Variants in GPHN observed in about 807,000 individuals in gnomAD.
The protein encoded by GPHN is gephyrin.
In GPHN, 17 loss-of-function variants were observed where a neutral mutation model predicts 95.5. The ratio of observed to expected loss-of-function variants is 0.18; its 90% CI spans 0.12 to 0.27. The LOEUF is 0.27. Ranked by LOEUF, GPHN falls within the 10% of genes least tolerant of loss-of-function variation. The probability of loss-of-function intolerance (pLI) is 1.00; values close to 1 mark genes in which losing one functional copy is unlikely to be tolerated. For synonymous variants in GPHN, 320 were observed against 322.5 expected, an observed-to-expected ratio of 0.99 and a Z score of 0.08; for missense variants, 660 against 978.1, an observed-to-expected ratio of 0.67 and a Z score of 4.34.
the GPHN span, among the ~76,000 whole-genome samples, chr14:67,222,732 T>A: frequency 6.6e-6 from 1 of 152,152 alleles, no homozygotes; most frequent in Non-Finnish European, 1.5e-5. Flanking sequence ...TCTCTCTCTT[T>A]GCTGAGTGCT....
chr14:66,639,620 T>C (rs1286030318), intron 1 of GPHN, among the ~76,000 whole-genome samples: 2 of 152,100 alleles, frequency 1.3e-5, no homozygotes, highest in Non-Finnish European at 2.9e-5. Flanking sequence ...GATTATTTTT[T>C]TTTTTGGCAT....
chr14:67,512,013 G>A, the GPHN span, among the ~76,000 whole-genome samples: 6 of 152,326 alleles, frequency 3.9e-5, no homozygotes, highest in South Asian at 2.1e-4. Flanking sequence ...GCAAATATAC[G>A]TCTTGAACCA....
intron 9 of GPHN, among the ~76,000 whole-genome samples, chr14:66,972,428 A>G (rs950051841): frequency 1.3e-5 from 2 of 151,992 alleles, no homozygotes; most frequent in African/African-American, 4.8e-5. Context: ...TTTATTAGTT[A>G]TTTCATTCTT....
chr14:66,738,175 C>A (rs1314901434), intron 2 of GPHN, among the ~76,000 whole-genome samples: 4 of 152,168 alleles, frequency 2.6e-5, no homozygotes, highest in Admixed American at 1.3e-4. Flanking sequence ...GTTAGGCTTT[C>A]TATATTCATT....
chr14:67,670,732 T>C, the GPHN span, among the ~76,000 whole-genome samples: 2 of 152,200 alleles, frequency 1.3e-5, no homozygotes, highest in Admixed American at 1.3e-4. Context: ...TTTCACCATG[T>C]TGACCAGGAT....
chr14:66,759,980 G>A (rs1369275677), intron 2 of GPHN, among the ~76,000 whole-genome samples: 1 of 152,150 alleles, frequency 6.6e-6, no homozygotes, highest in Admixed American at 6.5e-5. Flanking sequence ...ACAGGCCTCT[G>A]TTTAAATTAT....
chr14:66,899,921 C>T (rs991888588), intron 5 of GPHN, among the ~76,000 whole-genome samples: 1 of 151,716 alleles, frequency 6.6e-6, no homozygotes, highest in Non-Finnish European at 1.5e-5. Flanking sequence ...AGTTTTTTTA[C>T]TATAAATTGA....
intron 1 of GPHN, among the ~76,000 whole-genome samples, chr14:66,613,382 G>T (rs1390727062): frequency 6.6e-6 from 1 of 151,910 alleles, no homozygotes; most frequent in African/African-American, 2.4e-5. Context: ...ATTCTTCATG[G>T]CACCATTCTA....
chr14:67,442,496 G>A, the GPHN span, among the ~76,000 whole-genome samples: 1 of 152,170 alleles, frequency 6.6e-6, no homozygotes, highest in African/African-American at 2.4e-5. Flanking sequence ...CCTAAGATAA[G>A]GAACAGCTTC....
chr14:66,738,359 TAA>T (rs143491522), intron 2 of GPHN, among the ~76,000 whole-genome samples: 8,926 of 152,308 alleles, frequency 0.059, 354 homozygotes, highest in Middle Eastern at 0.099. Flanking sequence ...CATTCTATTA[TAA>T]AGTTACTTTA....
intron 5 of GPHN, among the ~76,000 whole-genome samples, chr14:66,905,495 G>T: frequency 6.6e-6 from 1 of 152,024 alleles, no homozygotes; most frequent in East Asian, 1.9e-4. Flanking sequence ...TTGGATGTAT[G>T]TACATGTCTT....
intron 5 of GPHN, among the ~76,000 whole-genome samples, chr14:66,907,333 A>G (rs2065435559): frequency 6.6e-6 from 1 of 152,198 alleles, no homozygotes; most frequent in South Asian, 2.1e-4. Flanking sequence ...AAAAGAATAC[A>G]TATTATATGG....
chr14:66,870,808 T>A (rs975263815), intron 4 of GPHN, among the ~76,000 whole-genome samples: 3 of 152,176 alleles, frequency 2.0e-5, no homozygotes, highest in African/African-American at 7.2e-5. Context: ...TTATGATACT[T>A]GAAAGGAAAT....
At position 66,570,050 on chromosome 14, in the gene GPHN, T is replaced by G. The variant is rs932305102; in HGVS notation, c.64+61459T>G. 5.6e-4 allele frequency among the ~76,000 whole-genome samples: 86 copies of G among 152,250 alleles called. 2 individuals carry two copies. Among genetic ancestry groups the G allele is most frequent in the Admixed American group, 4.4e-3 (67 of 15,280 alleles). ...GTGAAATAATATTCTATTTGTTTTT[T>G]TGTGCTTGTTTTATTTCATTTAACA... On this transcript the variant is annotated intron_variant, in intron 1 of 22. Coordinates refer to ENST00000478722, the MANE Select transcript of GPHN (RefSeq NM_020806.5).
At chr14:66,941,643 C>T (rs2067434051) in intron 8 of GPHN, among the ~76,000 whole-genome samples, 1 of 151,702 alleles carries the variant, frequency 6.6e-6, no homozygotes, top group South Asian at 2.1e-4. Flanking sequence ...TCAAGCTTGA[C>T]TCCTGAAAGG....
chr14:67,102,429 G>A (rs532335557), intron 13 of GPHN, among the ~76,000 whole-genome samples: 9 of 151,988 alleles, frequency 5.9e-5, no homozygotes, highest in East Asian at 3.9e-4. Flanking sequence ...GGGAGGCCGC[G>A]GCGGGCAGAT....
intron 1 of GPHN, among the ~76,000 whole-genome samples, chr14:66,593,453 C>A (rs2140710161): frequency 6.6e-6 from 1 of 152,098 alleles, no homozygotes. Context: ...TGGCATCAGG[C>A]AAGAGAGCAT....
intron 2 of GPHN, chr14:66,760,532 A>G: frequency 3.7e-6 from 1 of 270,894 alleles, no homozygotes; most frequent in South Asian, 4.9e-5. Flanking sequence ...CGGGTTCAAC[A>G]TGCATATCGA....
chr14:67,008,762 G>A (rs2072781552), intron 9 of GPHN, among the ~76,000 whole-genome samples: 1 of 151,894 alleles, frequency 6.6e-6, no homozygotes, highest in African/African-American at 2.4e-5. Flanking sequence ...GCCCAGGCTG[G>A]TCTTGAACTT....
Sources: allele counts gnomAD v4.1 joint callset (sites outside exome capture counted in the v4.1 genomes callset), GRCh38; gene constraint gnomAD v4.1.1; transcripts MANE v1.5; gene names NCBI Gene and HGNC (gene_info 2026-07-23, HGNC 2026-07-21).